SLC24A2: variants seen among roughly 807,000 people sequenced by gnomAD.
SLC24A2 encodes solute carrier family 24 member 2, also known as sodium/potassium/calcium exchanger 2.
SLC24A2 carries 36 observed loss-of-function variants against 62.0 expected under a neutral mutation model. The ratio of observed to expected loss-of-function variants is 0.58; its 90% CI spans 0.44 to 0.77. The LOEUF (loss-of-function observed/expected upper bound fraction) is 0.77. Among genes scored for constraint, SLC24A2 ranks in the 30% least tolerant of loss-of-function variants. The probability of loss-of-function intolerance (pLI) is 0.00; values close to 1 mark genes in which losing one functional copy is unlikely to be tolerated. For synonymous variants in SLC24A2, 358 were observed against 294.0 expected (o/e 1.22, Z -2.23); for missense variants, 846 against 817.9 (o/e 1.03, Z -0.42).
chr9:20,160,507 G>A, the SLC24A2 span, among the ~76,000 whole-genome samples: 35,768 of 150,958 alleles, frequency 0.24, 5,078 homozygotes, highest in African/African-American at 0.4. Flanking sequence ...GTACATATGC[G>A]GCATTCACAA....
rs537791036 is a variant in SLC24A2 at position 19,592,387 on chromosome 9, T to A, written c.1129+4842A>T. On this transcript the variant is annotated intron_variant, in intron 5 of 10. Transcript: ENST00000341998. Reference sequence around the variant, plus strand: ...ATTATTTTTCTGGAAATGTCTTTGGTTAAATGGCAGAGAGTTTAGGACAAT... The same window carrying A: ...ATTATTTTTCTGGAAATGTCTTTGGATAAATGGCAGAGAGTTTAGGACAAT... 1.6e-4 allele frequency among the ~76,000 whole-genome samples: 24 copies of A among 152,204 alleles called. 1 individual carries two copies. In the South Asian group the frequency reaches 3.5e-3, roughly 22 times the overall value.
At chr9:20,141,160 A>T in the SLC24A2 span, among the ~76,000 whole-genome samples, 1 of 152,058 alleles carries the variant, frequency 6.6e-6, no homozygotes, top group African/African-American at 2.4e-5. Flanking sequence ...GAAAACCACC[A>T]TTTCTATGCC....
chr9:19,917,629 T>C, the SLC24A2 span, among the ~76,000 whole-genome samples: 1 of 152,064 alleles, frequency 6.6e-6, no homozygotes, highest in Non-Finnish European at 1.5e-5. Flanking sequence ...ATTAAAATCA[T>C]GAATAGAAAC....
chr9:19,625,753 C>G (rs1818018341), intron 2 of SLC24A2, among the ~76,000 whole-genome samples: 1 of 148,032 alleles, frequency 6.8e-6, no homozygotes, highest in African/African-American at 2.5e-5. Flanking sequence ...ATGGCATGAT[C>G]TCAGCTCACT....
the SLC24A2 span, among the ~76,000 whole-genome samples, chr9:20,034,674 T>C: frequency 6.6e-6 from 1 of 152,100 alleles, no homozygotes; most frequent in Admixed American, 6.5e-5. Flanking sequence ...TTCACCGTGT[T>C]AGCCAGGATG....
the SLC24A2 span, among the ~76,000 whole-genome samples, chr9:19,858,455 T>A: frequency 6.6e-6 from 1 of 152,220 alleles, no homozygotes; most frequent in East Asian, 1.9e-4. Context: ...CAAGATTTCA[T>A]GACCAAGATG....
the SLC24A2 span, among the ~76,000 whole-genome samples, chr9:19,808,295 A>G: frequency 6.6e-6 from 1 of 152,350 alleles, no homozygotes; most frequent in South Asian, 2.1e-4. The surrounding 1 kb of genome is among the most constrained non-coding windows in gnomAD (Gnocchi z 4.1). Flanking sequence ...TTTAAAAAAC[A>G]TACATGGATT....
At chr9:19,531,559 C>A (rs377368409) in intron 8 of SLC24A2, among the ~76,000 whole-genome samples, 1 of 152,120 alleles carries the variant, frequency 6.6e-6, no homozygotes, top group African/African-American at 2.4e-5. Context: ...AGAGTGATAT[C>A]GGCTTGGCTT....
At position 19,510,751 on chromosome 9, in the gene SLC24A2, G is replaced by A. The variant is rs1232367386; in HGVS notation, c.*5402C>T. The A allele has an allele frequency of 6.6e-6, 1 of 152,034 alleles. No homozygotes were observed. The highest frequency in any genetic ancestry group is 2.4e-5 in the African/African-American group (1 of 41,374). 9.4% of individuals were successfully genotyped at this position (152,034 alleles called of 1,614,324 possible). Reference sequence around the variant, plus strand: ...TGTCAATGAATGATCTGGTAGAAGTGCTTTGGCTTAGATAATATGGTGCTC... The same window carrying A: ...TGTCAATGAATGATCTGGTAGAAGTACTTTGGCTTAGATAATATGGTGCTC... On this transcript the variant is annotated 3_prime_UTR_variant, in exon 11 of 11. Coordinates refer to ENST00000341998, the MANE Select transcript of SLC24A2 (RefSeq NM_020344.4).
At chr9:20,223,287 G>A in the SLC24A2 span, among the ~76,000 whole-genome samples, 20 of 152,222 alleles carry the variant, frequency 1.3e-4, no homozygotes, top group East Asian at 3.1e-3. Context: ...TTCATTGATG[G>A]AAAGATCCAA....
chr9:19,854,999 A>G, the SLC24A2 span, among the ~76,000 whole-genome samples: 1 of 152,248 alleles, frequency 6.6e-6, no homozygotes, highest in East Asian at 1.9e-4. Context: ...TATATTTAGG[A>G]TAATAAGCTC....
chr9:19,985,193 A>G, the SLC24A2 span, among the ~76,000 whole-genome samples: 1 of 152,204 alleles, frequency 6.6e-6, no homozygotes, highest in Non-Finnish European at 1.5e-5. Flanking sequence ...TTTTTAAAAC[A>G]GTTAAACATG....
intron 5 of SLC24A2, among the ~76,000 whole-genome samples, chr9:19,584,392 T>G (rs1671173364): frequency 6.6e-6 from 1 of 152,128 alleles, no homozygotes; most frequent in Non-Finnish European, 1.5e-5. Context: ...CTGGTTCCCT[T>G]GTAGAGTCCA....
the SLC24A2 span, among the ~76,000 whole-genome samples, chr9:19,820,048 TATATATACAC>T: frequency 0.03 from 586 of 19,544 alleles, 17 homozygotes; most frequent in Non-Finnish European, 0.11. Context: ...TATACATATA[TATATATACAC>T]ATATATATAT....
the SLC24A2 span, among the ~76,000 whole-genome samples, chr9:19,961,049 T>G: frequency 1.3e-5 from 2 of 148,644 alleles, no homozygotes; most frequent in African/African-American, 5.0e-5. Context: ...TGTGTGTGTG[T>G]GTGAGTGAGA....
intron 7 of SLC24A2, among the ~76,000 whole-genome samples, chr9:19,564,184 A>G (rs954583244): frequency 2.6e-5 from 4 of 151,506 alleles, no homozygotes; most frequent in South Asian, 4.1e-4. Context: ...AATCAACCTC[A>G]GAGAACTAAA....
At chr9:19,928,554 A>C in the SLC24A2 span, 2 of 152,182 alleles carry the variant, frequency 1.3e-5, no homozygotes, top group African/African-American at 4.8e-5. Flanking sequence ...GTCTAGCCCA[A>C]CGTTTTTGGT....
chr9:20,126,990 T>C, the SLC24A2 span, among the ~76,000 whole-genome samples: 7 of 152,322 alleles, frequency 4.6e-5, no homozygotes, highest in African/African-American at 7.2e-5. Context: ...GATTTGTCAA[T>C]TGACATAAAT....
At chr9:19,762,005 G>A (rs912016554) in intron 2 of SLC24A2, among the ~76,000 whole-genome samples, 1 of 152,126 alleles carries the variant, frequency 6.6e-6, no homozygotes, top group African/African-American at 2.4e-5. Context: ...CCAGTAATGG[G>A]ATGGCTGGGT....
Sources: gnomAD v4.1 joint callset for allele counts (sites outside exome capture counted in the v4.1 genomes callset) on GRCh38, gnomAD v4.1.1 for gene constraint, Gnocchi (gnomAD v3.1) non-coding constraint, MANE v1.5 for transcripts, NCBI Gene and HGNC (gene_info 2026-07-23, HGNC 2026-07-21) for gene names.